The following LMBR1 variants were observed in gnomAD, a reference collection of about 807,000 sequenced individuals.
LMBR1 encodes limb region 1 protein homolog.
LMBR1 carries 52 observed loss-of-function variants against 73.9 expected under a neutral mutation model. The observed-to-expected ratio is 0.70, with a 90% CI of 0.56 to 0.89. The LOEUF (loss-of-function observed/expected upper bound fraction) is 0.89. LMBR1 is among the 40% of genes least tolerant of loss of function. The probability of loss-of-function intolerance (pLI) is 0.00; values close to 1 mark genes in which losing one functional copy is unlikely to be tolerated. For missense variants in LMBR1, 539 were observed against 579.8 expected (o/e 0.93, Z 0.72); for synonymous variants, 215 against 209.4 (o/e 1.03, Z -0.23).
intron 7 of LMBR1, 104 bp downstream of exon 7, chr7:156,763,004 A>G (rs186370725): frequency 7.8e-6 from 5 of 637,948 alleles, no homozygotes; most frequent in Non-Finnish European, 1.4e-5. Context: ...CGAACTCAAA[A>G]AAAATCCAAA....
At chr7:156,875,599 A>G (rs1259959182) in intron 1 of LMBR1, among the ~76,000 whole-genome samples, 1 of 152,154 alleles carries the variant, frequency 6.6e-6, no homozygotes, top group Non-Finnish European at 1.5e-5. Context: ...AAGAAAAACC[A>G]GAGTAACTGC....
At chr7:156,845,851 C>T (rs1025390778) in intron 1 of LMBR1, among the ~76,000 whole-genome samples, 4 of 150,790 alleles carry the variant, frequency 2.7e-5, no homozygotes, top group African/African-American at 9.8e-5. Flanking sequence ...GAATTTAAGG[C>T]AAAAGTGTGA....
At chr7:156,810,346 T>C (rs1585950081) in intron 4 of LMBR1, among the ~76,000 whole-genome samples, 1 of 152,254 alleles carries the variant, frequency 6.6e-6, no homozygotes. Context: ...TCTGCCCCAC[T>C]GGCCCAAACA....
Position 156,885,246 on chromosome 7 carries a change from G to T in LMBR1, c.66+7682C>A, listed in dbSNP as rs181235164. Among the ~76,000 whole-genome samples the T allele has an allele frequency of 3.0e-4, 45 of 152,088 alleles. 1 individual carries two copies. The East Asian group carries it at 8.8e-3, about 30-fold the overall frequency. On this transcript the variant is annotated intron_variant, in intron 1 of 16. Coordinates refer to ENST00000353442, the MANE Select transcript of LMBR1 (RefSeq NM_022458.4). ...CAGGCGCCTGTAATCCCAGCTACTT[G>T]GGAGGCTGAGGCAGGATAATCACTG...
At chr7:156,808,860 T>G (rs1832611035) in intron 4 of LMBR1, among the ~76,000 whole-genome samples, 1 of 152,162 alleles carries the variant, frequency 6.6e-6, no homozygotes, top group East Asian at 1.9e-4. Context: ...ACTTTCTTAA[T>G]AAACTTGCTG....
rs879438854 is a variant in LMBR1 at position 156,872,647 on chromosome 7, C to CA, written c.66+20280dup. 1.9e-3 allele frequency among the ~76,000 whole-genome samples: 223 copies of CA among 117,326 alleles called. 1 individual carries two copies. The highest frequency in any genetic ancestry group is 3.1e-3 in the African/African-American group (99 of 31,672). 77.0% of individuals were successfully genotyped at this position (117,326 alleles called of 152,430 possible). Reference sequence around the variant, plus strand: ...GGGTAACAAGAGCAAAACTCCGTCTCAAAAAAAAAAAACAACCTAAGAATA... The same window carrying CA: ...GGGTAACAAGAGCAAAACTCCGTCTCAAAAAAAAAAAAACAACCTAAGAATA... On this transcript the variant is annotated intron_variant, in intron 1 of 16. Transcript: ENST00000353442.
At chr7:156,759,097 T>C (rs1477795150) in intron 8 of LMBR1, among the ~76,000 whole-genome samples, 2 of 152,154 alleles carry the variant, frequency 1.3e-5, no homozygotes, top group African/African-American at 4.8e-5. Flanking sequence ...ATTTAAAAAA[T>C]AATTAGAAGA....
At chr7:156,878,737 G>A (rs191387620) in intron 1 of LMBR1, among the ~76,000 whole-genome samples, 27 of 152,174 alleles carry the variant, frequency 1.8e-4, no homozygotes, top group South Asian at 2.1e-4. Context: ...AAAAGAGCCC[G>A]CGTAGCCAAA....
At chr7:156,811,039 G>A (rs931151995) in intron 4 of LMBR1, among the ~76,000 whole-genome samples, 40 of 151,820 alleles carry the variant, frequency 2.6e-4, no homozygotes, top group Non-Finnish European at 4.4e-4. Flanking sequence ...TTGAACTCCC[G>A]ACCTCAGGTG....
At chr7:156,733,489 T>C (rs1296817602) in intron 10 of LMBR1, among the ~76,000 whole-genome samples, 1 of 150,718 alleles carries the variant, frequency 6.6e-6, no homozygotes, top group Admixed American at 6.6e-5. Context: ...AGATGAAAAC[T>C]GCAGATGGTA....
intron 1 of LMBR1, among the ~76,000 whole-genome samples, chr7:156,877,102 G>A (rs1800289157): frequency 6.6e-6 from 1 of 151,996 alleles, no homozygotes; most frequent in Non-Finnish European, 1.5e-5. Flanking sequence ...GAAAATAAGA[G>A]AGGATTCGAG....
chr7:156,707,566 TAC>T (rs1811226811), intron 15 of LMBR1, among the ~76,000 whole-genome samples: 1 of 152,100 alleles, frequency 6.6e-6, no homozygotes, highest in Admixed American at 6.5e-5. Context: ...TGGTTCAACA[TAC>T]ACAGTCAGTA....
At chr7:156,841,959 C>T (rs780012702) in intron 1 of LMBR1, among the ~76,000 whole-genome samples, 2 of 151,150 alleles carry the variant, frequency 1.3e-5, no homozygotes, top group African/African-American at 2.4e-5. Context: ...GAAGCAATTG[C>T]TGAAGTTATG....
chr7:156,801,436 T>G (rs541187241), intron 4 of LMBR1, among the ~76,000 whole-genome samples: 1 of 152,334 alleles, frequency 6.6e-6, no homozygotes, highest in Admixed American at 6.5e-5. Flanking sequence ...ATCAAAAAAT[T>G]TGTGTGATTC....
intron 5 of LMBR1, among the ~76,000 whole-genome samples, chr7:156,781,060 CAGA>C (rs1221552477): frequency 6.6e-6 from 1 of 152,206 alleles, no homozygotes; most frequent in Non-Finnish European, 1.5e-5. Context: ...ACCTGTAATG[CAGA>C]AGACCATCTT....
intron 4 of LMBR1, among the ~76,000 whole-genome samples, chr7:156,821,791 G>C (rs575400563): frequency 6.1e-4 from 86 of 141,624 alleles, no homozygotes; most frequent in African/African-American, 2.1e-3. Flanking sequence ...AGCCACCCCT[G>C]TCATTGCCCA....
At chr7:156,865,485 T>G (rs544950722) in intron 1 of LMBR1, among the ~76,000 whole-genome samples, 2 of 152,298 alleles carry the variant, frequency 1.3e-5, no homozygotes, top group South Asian at 4.1e-4. Context: ...GAATTTAATA[T>G]TGATGGGATA....
chr7:156,844,301 G>A (rs1294326758), intron 1 of LMBR1, among the ~76,000 whole-genome samples: 1 of 152,080 alleles, frequency 6.6e-6, no homozygotes, highest in Non-Finnish European at 1.5e-5. Flanking sequence ...TCCAGCCTGG[G>A]TGACAGAACA....
chr7:156,800,672 T>G (rs886204955), intron 4 of LMBR1, among the ~76,000 whole-genome samples: 3 of 152,290 alleles, frequency 2.0e-5, no homozygotes, highest in African/African-American at 4.8e-5. Context: ...TTAAGATACA[T>G]TCTGTAAGGC....
Sources: allele counts gnomAD v4.1 joint callset (sites outside exome capture counted in the v4.1 genomes callset), GRCh38; gene constraint gnomAD v4.1.1; transcripts MANE v1.5; gene names NCBI Gene and HGNC (gene_info 2026-07-23, HGNC 2026-07-21).